GRIK3: variants seen among roughly 807,000 people sequenced by gnomAD.
GRIK3 encodes the protein glutamate receptor ionotropic, kainate 3.
Under a neutral mutation model 102.5 loss-of-function variants are expected in GRIK3, and 29 were observed. That is an observed-to-expected ratio of 0.28 (90% confidence interval 0.21 to 0.39). The LOEUF is 0.39. Ranked by LOEUF, GRIK3 falls within the 10% of genes least tolerant of loss-of-function variation. GRIK3 has a pLI of 1.00. For missense variants in GRIK3, 908 were observed against 1,252.4 expected (o/e 0.73, Z 4.15); for synonymous variants, 511 against 504.9 (o/e 1.01, Z -0.16).
At chr1:37,018,064 T>C (rs557705839) in intron 1 of GRIK3, among the ~76,000 whole-genome samples, 1 of 152,342 alleles carries the variant, frequency 6.6e-6, no homozygotes, top group Non-Finnish European at 1.5e-5. Context: ...CCTTTCCCCA[T>C]GCTTCAGACC....
At chr1:36,824,749 C>T (rs367825091) in intron 11 of GRIK3, among the ~76,000 whole-genome samples, 1 of 152,076 alleles carries the variant, frequency 6.6e-6, no homozygotes, top group East Asian at 2.0e-4. Flanking sequence ...GGGGAGCGGG[C>T]CCCAGCAGCC....
chr1:36,804,041 A>T (rs1165087684), intron 15 of GRIK3, among the ~76,000 whole-genome samples: 1 of 152,226 alleles, frequency 6.6e-6, no homozygotes, highest in Admixed American at 6.5e-5. Flanking sequence ...ACCTGCATAG[A>T]CTTCCCTCAG....
At chr1:36,995,641 T>C (rs867357256) in intron 1 of GRIK3, among the ~76,000 whole-genome samples, 2 of 152,192 alleles carry the variant, frequency 1.3e-5, no homozygotes, top group East Asian at 3.9e-4. Flanking sequence ...ACCCAAGAGC[T>C]TCCTAAGAAA....
At chr1:36,859,724 C>A in intron 6 of GRIK3, 120 bp downstream of exon 6, 5 of 816,608 alleles carry the variant, frequency 6.1e-6, no homozygotes, top group Non-Finnish European at 1.0e-5. Flanking sequence ...GTCTGGCTGA[C>A]ACATGGAAGG....
intron 1 of GRIK3, among the ~76,000 whole-genome samples, chr1:36,938,298 C>T (rs1021540238): frequency 1.4e-4 from 22 of 152,132 alleles, no homozygotes; most frequent in Non-Finnish European, 2.6e-4. Context: ...AGGTAGGACC[C>T]GTTCCAGGTC....
intron 4 of GRIK3, among the ~76,000 whole-genome samples, 163 bp from the exon 5 acceptor site, chr1:36,869,964 C>T (rs1183242882): frequency 1.3e-5 from 2 of 152,222 alleles, no homozygotes; most frequent in South Asian, 2.1e-4. Context: ...CAATGACTGC[C>T]TGGCAGACAG....
intron 1 of GRIK3, among the ~76,000 whole-genome samples, chr1:36,984,335 A>G (rs1276889367): frequency 6.6e-6 from 1 of 152,170 alleles, no homozygotes; most frequent in Non-Finnish European, 1.5e-5. Context: ...ATCTCCTACC[A>G]CATTCACATC....
intron 10 of GRIK3, among the ~76,000 whole-genome samples, chr1:36,832,915 C>G (rs1376430455): frequency 6.6e-6 from 1 of 152,216 alleles, no homozygotes; most frequent in Non-Finnish European, 1.5e-5. Flanking sequence ...CCCCTGCCCC[C>G]AAGGCTAGGT....
At chr1:36,853,969 C>A (rs528934383) in intron 7 of GRIK3, among the ~76,000 whole-genome samples, 2 of 152,176 alleles carry the variant, frequency 1.3e-5, no homozygotes, top group Non-Finnish European at 2.9e-5. Flanking sequence ...ATCTTGGATG[C>A]GCTCAAATGA....
intron 10 of GRIK3, among the ~76,000 whole-genome samples, chr1:36,835,656 A>C (rs1405083734): frequency 6.6e-6 from 1 of 152,170 alleles, no homozygotes; most frequent in Non-Finnish European, 1.5e-5. Flanking sequence ...TGCTCAATAA[A>C]CTTTCGTGCA....
intron 7 of GRIK3, 115 bp downstream of exon 7, chr1:36,858,993 T>C (rs572892419): frequency 5.1e-5 from 48 of 948,664 alleles, no homozygotes; most frequent in Non-Finnish European, 7.5e-5. Flanking sequence ...TGAGGCAACT[T>C]GCCTGAGGTC....
At chr1:36,822,418 A>T (rs1236779484) in intron 11 of GRIK3, among the ~76,000 whole-genome samples, 1 of 152,156 alleles carries the variant, frequency 6.6e-6, no homozygotes, top group African/African-American at 2.4e-5. Context: ...GGCCACGAGG[A>T]TCCTGCAGTC....
At chr1:37,033,045 G>T (rs921990421) in intron 1 of GRIK3, among the ~76,000 whole-genome samples, 4 of 152,176 alleles carry the variant, frequency 2.6e-5, no homozygotes, top group Non-Finnish European at 5.9e-5. Context: ...CGGGCGCAGG[G>T]CCTGCGGTGA....
At chr1:36,914,447 G>A (rs1337385211) in intron 1 of GRIK3, among the ~76,000 whole-genome samples, 1 of 152,178 alleles carries the variant, frequency 6.6e-6, no homozygotes, top group African/African-American at 2.4e-5. Flanking sequence ...GCCTCTGAGA[G>A]GTGGGTAGCA....
rs148671127 is a variant in GRIK3, at chr1:36,819,365, T to A, written c.1873+371A>T. ...ACTCCCTGCCTCTGGTCTCCTTCCA[T>A]CCACAGCCCAACTTGCTCAGCTGGA... On this transcript the variant is annotated intron_variant, in intron 12 of 15. Transcript: ENST00000373091. The surrounding 1 kb of genome is among the most constrained non-coding windows in gnomAD (Gnocchi z 4.1). Among the ~76,000 whole-genome samples the A allele has an allele frequency of 6.6e-6, 1 of 152,254 alleles. No individual in the cohort carries two copies. The highest frequency in any genetic ancestry group is 1.5e-5 in the Non-Finnish European group (1 of 67,996).
intron 1 of GRIK3, among the ~76,000 whole-genome samples, chr1:37,005,332 G>A (rs1005742969): frequency 6.6e-6 from 1 of 152,188 alleles, no homozygotes; most frequent in African/African-American, 2.4e-5. Context: ...GGCCTCCTGG[G>A]CAGCTCCAGT....
chr1:36,995,943 C>T (rs764939683), intron 1 of GRIK3, among the ~76,000 whole-genome samples: 6 of 152,200 alleles, frequency 3.9e-5, no homozygotes, highest in Admixed American at 6.5e-5. Context: ...GTCACATTCT[C>T]TTTGTGCTGG....
intron 9 of GRIK3, among the ~76,000 whole-genome samples, chr1:36,848,638 C>T (rs879593411): frequency 5.3e-5 from 8 of 151,846 alleles, no homozygotes; most frequent in Admixed American, 5.2e-4. Context: ...TCCTTTTAAC[C>T]TTTTTATTTT....
chr1:36,806,830 T>A lies in GRIK3; in HGVS notation c.2092-504A>T, dbSNP rs1642506749. 6.6e-6 allele frequency among the ~76,000 whole-genome samples: 1 copy of A among 152,118 alleles called. No individual in the cohort carries two copies. The highest frequency in any genetic ancestry group is 1.5e-5 in the Non-Finnish European group (1 of 68,028). On this transcript the variant is annotated intron_variant, in intron 13 of 15. Coordinates refer to ENST00000373091, the MANE Select transcript of GRIK3 (RefSeq NM_000831.4). This position sits in a 1 kb window ranked among gnomAD's most constrained non-coding sequence, Gnocchi z 4.0. Reference sequence around the variant, plus strand: ...AGGCTTCAAACCCAGGCCATCTGGCTCCAGAGTCCATACCCCTAACCCCTC... The same window carrying A: ...AGGCTTCAAACCCAGGCCATCTGGCACCAGAGTCCATACCCCTAACCCCTC...
Sources: allele counts gnomAD v4.1 joint callset (sites outside exome capture counted in the v4.1 genomes callset), GRCh38; gene constraint gnomAD v4.1.1; non-coding constraint Gnocchi (gnomAD v3.1); transcripts MANE v1.5; gene names NCBI Gene and HGNC (gene_info 2026-07-23, HGNC 2026-07-21).